The following ANKRD16 variants were observed in gnomAD, a reference collection of about 807,000 sequenced individuals.
ANKRD16 encodes ankyrin repeat domain 16, also known as ankyrin repeat domain-containing protein 16.
ANKRD16 carries 35 observed loss-of-function variants against 37.9 expected under a neutral mutation model. That is an observed-to-expected ratio of 0.92 (90% CI 0.71 to 1.23). The LOEUF is 1.23. Ranked by LOEUF, ANKRD16 falls within the 50% of genes most tolerant of loss-of-function variation. ANKRD16 has a pLI of 0.00. For synonymous variants in ANKRD16, 206 were observed against 197.2 expected (o/e 1.04, Z -0.37); for missense variants, 480 against 469.9 (o/e 1.02, Z -0.20).
At position 5,880,255 on chromosome 10, in the gene ANKRD16, TCA is replaced by T. The variant is rs778678494; in HGVS notation, c.928+41_928+42del. ...AAATATAAAAGTGTATTGGTTATACTCAGTTTACTAATTTCCAAGGCATATAT... is the reference window on the plus strand; with the variant it reads ...AAATATAAAAGTGTATTGGTTATACTGTTTACTAATTTCCAAGGCATATAT... On this transcript the variant is annotated intron_variant, in intron 6 of 7. Coordinates refer to ENST00000380094, the MANE Select transcript of ANKRD16 (RefSeq NM_019046.3). The T allele has an allele frequency of 5.3e-6, 5 of 947,132 alleles. No individual in the cohort carries two copies. The East Asian group carries it at 1.4e-4, about 26-fold the overall frequency. 58.7% of individuals were successfully genotyped at this position (947,132 alleles called of 1,614,324 possible).
intron 5 of ANKRD16, among the ~76,000 whole-genome samples, chr10:5,881,931 C>T (rs1191248484): frequency 2.6e-5 from 4 of 151,850 alleles, no homozygotes; most frequent in Non-Finnish European, 5.9e-5. Context: ...TCACGATCCA[C>T]CTGCCTCAGC....
In ANKRD16 at chr10:5,870,290, T is replaced by C. The variant is rs1006852808; in HGVS notation, c.*34-7599A>G. On this transcript the variant is annotated intron_variant, in intron 7 of 7. Transcript: ENST00000380094. This position sits in a 1 kb window ranked among gnomAD's most constrained non-coding sequence, Gnocchi z 5.0. ...CCCCCAGTGCACCTGCGCAGTGAGG[T>C]CAGCTTCGCAGGGGCCCCCAGTGCA... 3.3e-5 allele frequency among the ~76,000 whole-genome samples: 5 copies of C among 151,806 alleles called. No homozygotes were observed. Among genetic ancestry groups the C allele is most frequent in the African/African-American group, 9.7e-5 (4 of 41,322 alleles).
At position 5,871,574 on chromosome 10, in the gene ANKRD16, T is replaced by C. The variant is rs1030430057; in HGVS notation, c.*33+6523A>G. Among the ~76,000 whole-genome samples the C allele has an allele frequency of 3.3e-5, 5 of 152,306 alleles. No individual in the cohort carries two copies. Among genetic ancestry groups the C allele is most frequent in the African/African-American group, 9.6e-5 (4 of 41,568 alleles). Reference sequence around the variant, plus strand: ...CCCCCACCCTCCTAGATACTGGCATTGAATGAGGCGCCCACGTGGGCTCTG... The same window carrying C: ...CCCCCACCCTCCTAGATACTGGCATCGAATGAGGCGCCCACGTGGGCTCTG... On this transcript the variant is annotated intron_variant, in intron 7 of 7. Transcript: ENST00000380094. The surrounding 1 kb of genome is among the most constrained non-coding windows in gnomAD (Gnocchi z 4.5).
At chr10:5,886,614 C>A (rs566990405) in intron 2 of ANKRD16, among the ~76,000 whole-genome samples, 12 of 151,998 alleles carry the variant, frequency 7.9e-5, no homozygotes, top group Non-Finnish European at 1.3e-4. Context: ...AGACAAAAAG[C>A]AACACTATAA....
chr10:5,872,495 A>C (rs1205146374), intron 7 of ANKRD16, among the ~76,000 whole-genome samples: 1 of 152,108 alleles, frequency 6.6e-6, no homozygotes, highest in African/African-American at 2.4e-5. Context: ...ATAAATAAAC[A>C]AAGTTAAGGG....
intron 5 of ANKRD16, among the ~76,000 whole-genome samples, chr10:5,880,779 A>T (rs551512536): frequency 6.6e-6 from 1 of 152,354 alleles, no homozygotes; most frequent in South Asian, 2.1e-4. Flanking sequence ...GAACAAAAGG[A>T]AAGGCAGCTT....
chr10:5,870,641 C>T lies in ANKRD16; in HGVS notation c.*33+7456G>A, dbSNP rs1842074374. Among the ~76,000 whole-genome samples the T allele has an allele frequency of 6.6e-6, 1 of 152,194 alleles. No homozygotes were observed. The highest frequency in any genetic ancestry group is 2.4e-5 in the African/African-American group (1 of 41,440). On this transcript the variant is annotated intron_variant, in intron 7 of 7. Coordinates refer to ENST00000380094, the MANE Select transcript of ANKRD16 (RefSeq NM_019046.3). This position sits in a 1 kb window ranked among gnomAD's most constrained non-coding sequence, Gnocchi z 5.0. ...TCTCAAGCCATCTGCCCGCCTTGGC[C>T]TCCCAAAGTGTTGGGATTACAGGCG... is the stretch of plus-strand genomic sequence containing the variant.
chr10:5,865,158 A>C lies in ANKRD16; in HGVS notation c.*34-2467T>G, dbSNP rs1271169747. Among the ~76,000 whole-genome samples the C allele has an allele frequency of 4.6e-5, 7 of 152,304 alleles. No individual in the cohort carries two copies. In the East Asian group the frequency reaches 1.2e-3, roughly 25 times the overall value. On this transcript the variant is annotated intron_variant, in intron 7 of 7. Transcript: ENST00000380094. This position sits in a 1 kb window ranked among gnomAD's most constrained non-coding sequence, Gnocchi z 4.7. ...ACAAACCAACCTTGGTGGTTCAGAG[A>C]GCACAGAAAATGGAGCAGGCCAATC...
Position 5,868,971 on chromosome 10 carries a change from G to A in ANKRD16, c.*34-6280C>T, listed in dbSNP as rs1189729670. Reference sequence around the variant, plus strand: ...AAAAAGACAAAGAAAGCAAAGGTGCGGGAAGAAACTTTTGGACAAGTTTGT... The same window carrying A: ...AAAAAGACAAAGAAAGCAAAGGTGCAGGAAGAAACTTTTGGACAAGTTTGT... On this transcript the variant is annotated intron_variant, in intron 7 of 7. Coordinates refer to ENST00000380094, the MANE Select transcript of ANKRD16 (RefSeq NM_019046.3). The surrounding 1 kb of genome is among the most constrained non-coding windows in gnomAD (Gnocchi z 4.9). 6.6e-6 allele frequency among the ~76,000 whole-genome samples: 1 copy of A among 152,194 alleles called. No homozygotes were observed. The highest frequency in any genetic ancestry group is 1.5e-5 in the Non-Finnish European group (1 of 68,038).
chr10:5,883,213 C>T lies in ANKRD16; in HGVS notation c.688-46G>A, dbSNP rs780542540. The T allele has an allele frequency of 6.9e-6, 11 of 1,592,336 alleles. No homozygotes were observed. In the East Asian group the frequency reaches 2.5e-4, roughly 36 times the overall value. Reference sequence around the variant, plus strand: ...AGGAGCAAAGGTCAAAGATAAGAAACAGGGCAACTTAGATCTGGGCATCTG... The same window carrying T: ...AGGAGCAAAGGTCAAAGATAAGAAATAGGGCAACTTAGATCTGGGCATCTG... On this transcript the variant is annotated intron_variant, in intron 4 of 7. Transcript: ENST00000380094.
At chr10:5,886,204 G>C (rs951169607) in intron 2 of ANKRD16, among the ~76,000 whole-genome samples, 1 of 152,242 alleles carries the variant, frequency 6.6e-6, no homozygotes, top group African/African-American at 2.4e-5. Context: ...GTGAATGATG[G>C]AGTGCTGATT....
chr10:5,886,517 C>T (rs945557515), intron 2 of ANKRD16, among the ~76,000 whole-genome samples: 1 of 152,042 alleles, frequency 6.6e-6, no homozygotes, highest in Non-Finnish European at 1.5e-5. Context: ...CTTGAACCTG[C>T]GAGGCAGAGG....
At chr10:5,885,642 CT>C (rs1203302875) in intron 3 of ANKRD16, 80 bp downstream of exon 3, 113 of 1,485,978 alleles carry the variant, frequency 7.6e-5, no homozygotes, top group Non-Finnish European at 9.8e-5. Context: ...AAAAATGTGT[CT>C]GAGCTCTTTA....
rs528966200 is a variant in ANKRD16, at chr10:5,870,631, C to G, written c.*33+7466G>C. The stretch of plus-strand genomic sequence containing the variant: ...TCCAGGCTGGTCTCAAGCCATCTGC[C>G]CGCCTTGGCCTCCCAAAGTGTTGGG... On this transcript the variant is annotated intron_variant, in intron 7 of 7. Transcript: ENST00000380094. This position sits in a 1 kb window ranked among gnomAD's most constrained non-coding sequence, Gnocchi z 5.0. 6.6e-5 allele frequency among the ~76,000 whole-genome samples: 10 copies of G among 152,274 alleles called. No individual in the cohort carries two copies. Among genetic ancestry groups the G allele is most frequent in the African/African-American group, 2.2e-4 (9 of 41,558 alleles).
rs1842329463 is a variant in ANKRD16 at position 5,882,304 on chromosome 10, GA to G, written c.849+701del. Among the ~76,000 whole-genome samples the G allele has an allele frequency of 2.6e-5, 4 of 152,046 alleles. No individual in the cohort carries two copies. The South Asian group carries it at 8.3e-4, about 32-fold the overall frequency. On this transcript the variant is annotated intron_variant, in intron 5 of 7. Coordinates refer to ENST00000380094, the MANE Select transcript of ANKRD16 (RefSeq NM_019046.3). The stretch of plus-strand genomic sequence containing the variant: ...CACGCCTGTAATCCCAGCACTTTGG[GA>G]GGCCGAGGTGGGTGGATCACAAGGT...
rs889380951 is a variant in ANKRD16, at chr10:5,864,656, C to T, written c.*34-1965G>A. ...GTCAAGTAAATGACAGAATGACAGCCGAAGAAAGGGACAAATTCCCTACTG... is the reference window on the plus strand; with the variant it reads ...GTCAAGTAAATGACAGAATGACAGCTGAAGAAAGGGACAAATTCCCTACTG... On this transcript the variant is annotated intron_variant, in intron 7 of 7. Transcript: ENST00000380094. The surrounding 1 kb of genome is among the most constrained non-coding windows in gnomAD (Gnocchi z 4.4). Among the ~76,000 whole-genome samples the T allele has an allele frequency of 5.9e-5, 9 of 151,678 alleles. No homozygotes were observed. Among genetic ancestry groups the T allele is most frequent in the East Asian group, 3.9e-4 (2 of 5,190 alleles).
rs879330585 is a variant in ANKRD16 at position 5,863,067 on chromosome 10, A to G, written c.*34-376T>C. Among the ~76,000 whole-genome samples, 5 of 152,114 alleles carry G rather than the reference A, an allele frequency of 3.3e-5. No homozygotes were observed. The highest frequency in any genetic ancestry group is 2.9e-5 in the Non-Finnish European group (2 of 68,034). ...AGGACAGGGACCCTCAGCTGCTGCTATACAGCCAGTGATCCTGCCACGTCC... is the reference window on the plus strand; with the variant it reads ...AGGACAGGGACCCTCAGCTGCTGCTGTACAGCCAGTGATCCTGCCACGTCC... On this transcript the variant is annotated intron_variant, in intron 7 of 7. Transcript: ENST00000380094. This position sits in a 1 kb window ranked among gnomAD's most constrained non-coding sequence, Gnocchi z 4.7.
rs139429250 is a variant in ANKRD16, at chr10:5,870,497, G to A, written c.*33+7600C>T. ...TAGCTCACTGCAGCCTTGACCTCCT[G>A]GGCTCAAGGAATTCTCCCACCTCAG... On this transcript the variant is annotated intron_variant, in intron 7 of 7. Coordinates refer to ENST00000380094, the MANE Select transcript of ANKRD16 (RefSeq NM_019046.3). The surrounding 1 kb of genome is among the most constrained non-coding windows in gnomAD (Gnocchi z 5.0). 0.026 allele frequency among the ~76,000 whole-genome samples: 3,944 copies of A among 151,138 alleles called. 158 individuals are homozygous for A. The highest frequency in any genetic ancestry group is 0.09 in the African/African-American group (3,699 of 41,066).
rs888316801 is a variant in ANKRD16 at position 5,870,487 on chromosome 10, T to C, written c.*33+7610A>G. Among the ~76,000 whole-genome samples, 2 of 151,732 alleles carry C rather than the reference T, an allele frequency of 1.3e-5. No homozygotes were observed. Among genetic ancestry groups the C allele is most frequent in the African/African-American group, 4.8e-5 (2 of 41,274 alleles). ...AGTGCAATCATAGCTCACTGCAGCC[T>C]TGACCTCCTGGGCTCAAGGAATTCT... On this transcript the variant is annotated intron_variant, in intron 7 of 7. Transcript: ENST00000380094. This position sits in a 1 kb window ranked among gnomAD's most constrained non-coding sequence, Gnocchi z 5.0.
Sources: allele counts gnomAD v4.1 joint callset (sites outside exome capture counted in the v4.1 genomes callset), GRCh38; gene constraint gnomAD v4.1.1; non-coding constraint Gnocchi (gnomAD v3.1); transcripts MANE v1.5; gene names NCBI Gene and HGNC (gene_info 2026-07-23, HGNC 2026-07-21).